The following CCBE1 variants were observed in gnomAD, a reference collection of about 807,000 sequenced individuals.
CCBE1 encodes collagen and calcium binding EGF domains 1.
A neutral mutation model predicts 50.0 loss-of-function variants in CCBE1; 37 were observed. That is an observed-to-expected ratio of 0.74 (90% confidence interval 0.57 to 0.97). The LOEUF (loss-of-function observed/expected upper bound fraction) is 0.97. Ranked by LOEUF, CCBE1 falls within the 50% of genes least tolerant of loss-of-function variation. The pLI, the probability that CCBE1 is intolerant of heterozygous loss-of-function variation, is 0.00. For synonymous variants in CCBE1, 234 were observed against 203.7 expected, an observed-to-expected ratio of 1.15 and a Z score of -1.27; for missense variants, 538 against 523.8, an observed-to-expected ratio of 1.03 and a Z score of -0.26.
At chr18:59,630,915 G>A (rs1340386467) in intron 2 of CCBE1, among the ~76,000 whole-genome samples, 1 of 152,182 alleles carries the variant, frequency 6.6e-6, no homozygotes, top group Non-Finnish European at 1.5e-5. Flanking sequence ...GCAAACACTG[G>A]CAGATATCAA....
At chr18:59,499,782 G>A (rs1913529578) in intron 2 of CCBE1, among the ~76,000 whole-genome samples, 1 of 152,160 alleles carries the variant, frequency 6.6e-6, no homozygotes, top group Non-Finnish European at 1.5e-5. Flanking sequence ...TGGCCTGCTG[G>A]ACCTCAGATA....
intron 2 of CCBE1, among the ~76,000 whole-genome samples, chr18:59,599,069 A>T (rs192846981): frequency 6.6e-6 from 1 of 152,262 alleles, no homozygotes; most frequent in African/African-American, 2.4e-5. Context: ...CTTCTTCGTT[A>T]ATCAACCCAC....
Position 59,435,705 on chromosome 18 carries a change from T to C in CCBE1, c.*203A>G, listed in dbSNP as rs529266103. The C allele has an allele frequency of 2.7e-3, 1,663 of 626,784 alleles. 1 individual carries two copies. The highest frequency in any genetic ancestry group is 4.0e-3 in the Non-Finnish European group (1,405 of 352,502). 38.8% of individuals were successfully genotyped at this position (626,784 alleles called of 1,614,324 possible). ...TAGTGAGAAGCAGGTAAATCAATCA[T>C]TCACTCCCTCATGTCTGCAGGCCTA... On this transcript the variant is annotated 3_prime_UTR_variant, in exon 11 of 11. Transcript: ENST00000439986.
intron 2 of CCBE1, among the ~76,000 whole-genome samples, chr18:59,644,557 C>G (rs990849673): frequency 1.3e-5 from 2 of 152,248 alleles, no homozygotes; most frequent in Admixed American, 1.3e-4. Context: ...GAACCACCAC[C>G]TTCAGAATGC....
intron 2 of CCBE1, among the ~76,000 whole-genome samples, chr18:59,607,917 C>T (rs909365035): frequency 3.9e-5 from 6 of 152,180 alleles, no homozygotes; most frequent in African/African-American, 1.4e-4. Flanking sequence ...AACCCCGTCT[C>T]TACTAAAAAT....
rs1235137205 is a variant in CCBE1, at chr18:59,669,394, GGT to G, written c.212+27233_212+27234del. ...CTCGTTTTCCTTTCCCTGGAAAGAG[GGT>G]TCTGACCAACAGCTCCTTGGCTTCC... On this transcript the variant is annotated intron_variant, in intron 2 of 10. Coordinates refer to ENST00000439986, the MANE Select transcript of CCBE1 (RefSeq NM_133459.4). Among the ~76,000 whole-genome samples the G allele has an allele frequency of 9.2e-5, 14 of 152,304 alleles. No homozygotes were observed. In the East Asian group the frequency reaches 2.5e-3, roughly 27 times the overall value.
intron 2 of CCBE1, among the ~76,000 whole-genome samples, chr18:59,645,956 G>A (rs191590922): frequency 5.3e-4 from 81 of 152,190 alleles, no homozygotes; most frequent in African/African-American, 1.8e-3. Context: ...GTGTGAACCC[G>A]GCAGACGGAG....
chr18:59,628,532 G>A (rs1156880278), intron 2 of CCBE1, among the ~76,000 whole-genome samples: 1 of 152,140 alleles, frequency 6.6e-6, no homozygotes, highest in Non-Finnish European at 1.5e-5. Context: ...CAGACCAACA[G>A]GGCTGCCATG....
chr18:59,639,798 T>C (rs1020100649), intron 2 of CCBE1, among the ~76,000 whole-genome samples: 1 of 152,216 alleles, frequency 6.6e-6, no homozygotes, highest in African/African-American at 2.4e-5. Context: ...AGTTTCAGGA[T>C]AGAAAAAAAG....
intron 2 of CCBE1, among the ~76,000 whole-genome samples, chr18:59,646,374 G>A (rs1339800838): frequency 1.3e-5 from 2 of 152,196 alleles, no homozygotes; most frequent in East Asian, 3.9e-4. Context: ...ACTGCCTGGT[G>A]GAAGAGACAA....
intron 2 of CCBE1, among the ~76,000 whole-genome samples, chr18:59,484,342 C>T (rs918394811): frequency 3.3e-5 from 5 of 152,208 alleles, no homozygotes; most frequent in African/African-American, 4.8e-5. Context: ...TCGAACATCA[C>T]ATTTAAACAT....
intron 2 of CCBE1, among the ~76,000 whole-genome samples, chr18:59,679,572 CTG>C (rs2054557724): frequency 6.6e-6 from 1 of 152,168 alleles, no homozygotes; most frequent in African/African-American, 2.4e-5. Context: ...TATCTGAAAA[CTG>C]TTCATAATTA....
intron 2 of CCBE1, among the ~76,000 whole-genome samples, chr18:59,683,512 A>G (rs1051544455): frequency 6.6e-6 from 1 of 152,098 alleles, no homozygotes; most frequent in Admixed American, 6.5e-5. Flanking sequence ...CCTGGCCAAC[A>G]TGGCAAAACT....
chr18:59,445,937 C>G (rs1489035291), intron 7 of CCBE1, among the ~76,000 whole-genome samples: 1 of 152,186 alleles, frequency 6.6e-6, no homozygotes, highest in East Asian at 1.9e-4. Context: ...CAGATTCCAA[C>G]CCAGAGTAGT....
chr18:59,612,830 T>G lies in CCBE1; in HGVS notation c.212+83799A>C, dbSNP rs1427240756. ...AATCTCAAGGGTTTTTTTTTTGTTT[T>G]TTTTTGTTTTTGTTTTTGTTTTTTT... On this transcript the variant is annotated intron_variant, in intron 2 of 10. Transcript: ENST00000439986. Among the ~76,000 whole-genome samples, 390 of 113,982 alleles carry G rather than the reference T, an allele frequency of 3.4e-3. 6 individuals carry two copies. Among genetic ancestry groups the G allele is most frequent in the African/African-American group, 0.012 (355 of 30,484 alleles). 74.8% of individuals were successfully genotyped at this position (113,982 alleles called of 152,430 possible).
chr18:59,611,940 T>G (rs113888593), intron 2 of CCBE1, among the ~76,000 whole-genome samples: 1 of 152,140 alleles, frequency 6.6e-6, no homozygotes, highest in Non-Finnish European at 1.5e-5. Context: ...GTCTACTGTT[T>G]GCTGGTTTCA....
intron 2 of CCBE1, among the ~76,000 whole-genome samples, chr18:59,527,382 C>T (rs1431352012): frequency 6.6e-6 from 1 of 152,152 alleles, no homozygotes; most frequent in Admixed American, 6.5e-5. Flanking sequence ...TTTGAGCCTA[C>T]ATGTGTCTTT....
chr18:59,658,382 T>A (rs1226248972), intron 2 of CCBE1, among the ~76,000 whole-genome samples: 12 of 19,840 alleles, frequency 6.0e-4, no homozygotes, highest in East Asian at 3.2e-3. Context: ...TATATATATA[T>A]ATATATATAT....
At position 59,686,346 on chromosome 18, in the gene CCBE1, C is replaced by T. The variant is rs532897320; in HGVS notation, c.212+10283G>A. ...GTGCCTCTTTTCAATTTGCAGTTGGCAGAAAAGCAAGGTAACCACAATTGT... is the reference window on the plus strand; with the variant it reads ...GTGCCTCTTTTCAATTTGCAGTTGGTAGAAAAGCAAGGTAACCACAATTGT... On this transcript the variant is annotated intron_variant, in intron 2 of 10. Transcript: ENST00000439986. Among the ~76,000 whole-genome samples, 8 of 152,300 alleles carry T rather than the reference C, an allele frequency of 5.3e-5. No homozygotes were observed. In the South Asian group the frequency reaches 1.7e-3, roughly 32 times the overall value.
Sources: gnomAD v4.1 joint callset for allele counts (sites outside exome capture counted in the v4.1 genomes callset) on GRCh38, gnomAD v4.1.1 for gene constraint, MANE v1.5 for transcripts, NCBI Gene and HGNC (gene_info 2026-07-23, HGNC 2026-07-21) for gene names.